Variants in CLCN6 observed in about 807,000 individuals in gnomAD.
The protein encoded by CLCN6 is Cl-/H+ antiporter 6, also known as H(+)/Cl(-) exchange transporter 6.
A neutral mutation model predicts 109.8 loss-of-function variants in CLCN6; 70 were observed. The ratio of observed to expected loss-of-function variants is 0.64; its 90% CI spans 0.53 to 0.78. CLCN6 has a LOEUF of 0.78. Ranked by LOEUF, CLCN6 falls within the 30% of genes least tolerant of loss-of-function variation. CLCN6 has a pLI of 0.00. For missense variants in CLCN6, 984 were observed against 1,142.3 expected (o/e 0.86, Z 2.00); for synonymous variants, 444 against 447.8 (o/e 0.99, Z 0.11).
rs556693384 is a variant in CLCN6, at chr1:11,838,576, G to T, written c.2445G>T (p.Ser815=). ...PYMNPSPFTV[S]PNTHVSQVFN... is the part of the protein sequence containing the mutation. ...TGAACCCTTCGCCTTTCACCGTCTC[G>T]CCCAACACCCACGTCTCCCAAGTCT... Residue 815 remains serine (S), a synonymous_variant, in exon 22 of 23, where the codon TCG becomes TCT. Transcript: ENST00000346436. 1 of 1,613,024 alleles carries T rather than the reference G, an allele frequency of 6.2e-7. No individual in the cohort carries two copies. The highest frequency in any genetic ancestry group is 8.5e-7 in the Non-Finnish European group (1 of 1,179,110).
At chr1:11,826,938 G>GTAT in intron 9 of CLCN6, 151 bp from the exon 10 acceptor site, 2 of 891,574 alleles carry the variant, frequency 2.2e-6, no homozygotes, top group South Asian at 1.8e-5. Flanking sequence ...CACACTCGCG[G>GTAT]CAAAGGCTGC....
At position 11,828,099 on chromosome 1, in the gene CLCN6, C is replaced by G; in HGVS notation, c.841-7C>G. 1 of 1,607,662 alleles carries G rather than the reference C, an allele frequency of 6.2e-7. No homozygotes were observed. The highest frequency in any genetic ancestry group is 8.5e-7 in the Non-Finnish European group (1 of 1,174,150). The stretch of plus-strand genomic sequence containing the variant: ...AACCTTCTTGTCTTTTGTCACCTCT[C>G]CCCTAGCTCTTTTGTTCCATGTCTG... On this transcript the variant is annotated splice_polypyrimidine_tract_variant and splice_region_variant and intron_variant, in intron 10 of 22. Transcript: ENST00000346436.
intron 2 of CLCN6, among the ~76,000 whole-genome samples, chr1:11,814,893 C>T (rs58497888): frequency 9.2e-5 from 14 of 151,936 alleles, no homozygotes; most frequent in South Asian, 2.1e-4. Flanking sequence ...ATTAGCCGGG[C>T]GTGTTGGCAG....
intron 5 of CLCN6, among the ~76,000 whole-genome samples, chr1:11,821,072 C>CT (rs1644734994): frequency 7.7e-6 from 1 of 129,626 alleles, no homozygotes; most frequent in Non-Finnish European, 1.7e-5. Flanking sequence ...GCAAAACTGT[C>CT]TCAAAAAACA....
At chr1:11,839,347 G>A (rs973791976) in intron 22 of CLCN6, among the ~76,000 whole-genome samples, 5 of 151,986 alleles carry the variant, frequency 3.3e-5, no homozygotes, top group Admixed American at 6.6e-5. Flanking sequence ...CTGCAGCCTC[G>A]ACCTTCCAGG....
Position 11,807,152 on chromosome 1 carries a change from G to C in CLCN6, c.109G>C (p.Glu37Gln), listed in dbSNP as rs1372498907. ...CTAGACCATCCTTGGAGAAACACAG[G>C]AGGAGGAGGATGAGATTCTTCCAAG... ...EELTILGETQ[E>Q]EEDEILPRKD... Residue 37 changes from glutamate (E) to glutamine (Q), a missense_variant, in exon 2 of 23, where the codon GAG becomes CAG. Coordinates refer to ENST00000346436, the MANE Select transcript of CLCN6 (RefSeq NM_001286.5). 4 of 1,613,504 alleles carry C rather than the reference G, an allele frequency of 2.5e-6. No homozygotes were observed. Among genetic ancestry groups the C allele is most frequent in the Non-Finnish European group, 3.4e-6 (4 of 1,179,526 alleles).
rs768244701 is a variant in CLCN6 at position 11,834,104 on chromosome 1, G to C, written c.1526+74G>C. On this transcript the variant is annotated intron_variant, in intron 15 of 22. Coordinates refer to ENST00000346436, the MANE Select transcript of CLCN6 (RefSeq NM_001286.5). The surrounding 1 kb of genome is among the most constrained non-coding windows in gnomAD (Gnocchi z 4.5). ...TGTGCGTGTGTATGCATGTGTGTGC[G>C]TGTGCGTGCGTTGATGTGTCTGTGC... 1 of 1,593,458 alleles carries C rather than the reference G, an allele frequency of 6.3e-7. No homozygotes were observed. Among genetic ancestry groups the C allele is most frequent in the East Asian group, 2.3e-5 (1 of 44,362 alleles).
chr1:11,833,720 G>T, intron 14 of CLCN6, 82 bp downstream of exon 14: 1 of 1,588,364 alleles, frequency 6.3e-7, no homozygotes, highest in South Asian at 1.1e-5. Context: ...TTCCAAGCAA[G>T]ACCAGGACTT....
intron 2 of CLCN6, among the ~76,000 whole-genome samples, chr1:11,810,964 C>T (rs1370588157): frequency 6.6e-6 from 1 of 152,198 alleles, no homozygotes; most frequent in Admixed American, 6.5e-5. Context: ...GTTACCCCCA[C>T]ACTTTAGGAG....
chr1:11,808,861 C>CT (rs1200623320), intron 2 of CLCN6, among the ~76,000 whole-genome samples: 2 of 150,634 alleles, frequency 1.3e-5, no homozygotes, highest in East Asian at 1.9e-4. Flanking sequence ...CTTTTTTTTT[C>CT]TTTTTTTTAA....
Position 11,842,953 on chromosome 1 carries a change from G to A in CLCN6, c.*2730G>A, listed in dbSNP as rs14078. ...AGCTCTGCGGACCTTGGCCATTGCC[G>A]CAGTCGCAGCTTCCTTTTTTCTGTT... On this transcript the variant is annotated 3_prime_UTR_variant, in exon 23 of 23. Transcript: ENST00000346436. 25,123 of 152,318 alleles carry A rather than the reference G, an allele frequency of 0.16. 2,540 individuals are homozygous for A. The highest frequency in any genetic ancestry group is 0.27 in the African/African-American group (11,381 of 41,548). 9.4% of individuals were successfully genotyped at this position (152,318 alleles called of 1,614,324 possible). A position where few individuals can be genotyped will look rare whatever the true frequency, so the allele number is the denominator to read the frequency against.
intron 20 of CLCN6, among the ~76,000 whole-genome samples, chr1:11,838,109 G>A (rs1317244202): frequency 6.6e-6 from 1 of 152,240 alleles, no homozygotes; most frequent in Non-Finnish European, 1.5e-5. Context: ...CAGGAAGAAA[G>A]GGAGTGCAGA....
At chr1:11,829,554 G>T (rs955568009) in intron 13 of CLCN6, among the ~76,000 whole-genome samples, 1 of 150,666 alleles carries the variant, frequency 6.6e-6, no homozygotes, top group East Asian at 2.0e-4. Context: ...TCACAGAGGG[G>T]AACCTGGGAA....
intron 1 of CLCN6, 110 bp from the exon 2 acceptor site, chr1:11,807,021 A>G (rs1222012603): frequency 5.1e-6 from 5 of 977,716 alleles, no homozygotes; most frequent in Non-Finnish European, 8.0e-6. Flanking sequence ...TTCCTATTTG[A>G]TAATGGCTCC....
At position 11,830,776 on chromosome 1, in the gene CLCN6, C is replaced by CTA. The variant is rs1553120511; in HGVS notation, c.1248+1461_1248+1462dup. ...ATATATATATATATACACACACACACTATATATACACACACACACACACAC... is the reference window on the plus strand; with the variant it reads ...ATATATATATATATACACACACACACTATATATATACACACACACACACACAC... On this transcript the variant is annotated intron_variant, in intron 13 of 22. Coordinates refer to ENST00000346436, the MANE Select transcript of CLCN6 (RefSeq NM_001286.5). Among the ~76,000 whole-genome samples the CTA allele has an allele frequency of 3.5e-3, 416 of 118,102 alleles. 8 individuals are homozygous for CTA. Among genetic ancestry groups the CTA allele is most frequent in the African/African-American group, 0.014 (364 of 25,944 alleles). 77.5% of individuals were successfully genotyped at this position (118,102 alleles called of 152,430 possible).
chr1:11,827,024 T>C, intron 9 of CLCN6, 65 bp from the exon 10 acceptor site: 1 of 1,587,698 alleles, frequency 6.3e-7, no homozygotes, highest in Admixed American at 1.8e-5. Flanking sequence ...GATAAGGAAG[T>C]CAGAAACCAC....
chr1:11,809,182 T>A (rs1312456722), intron 2 of CLCN6, among the ~76,000 whole-genome samples: 2 of 152,112 alleles, frequency 1.3e-5, no homozygotes, highest in African/African-American at 4.8e-5. Flanking sequence ...TCGTAAGTAT[T>A]TGTTTTCTTG....
intron 8 of CLCN6, 138 bp downstream of exon 8, chr1:11,824,691 CTA>C (rs1644789808): frequency 3.6e-6 from 2 of 549,128 alleles, no homozygotes; most frequent in Non-Finnish European, 6.1e-6. Flanking sequence ...AACCATGTGT[CTA>C]TCTCTCAGGA....
intron 18 of CLCN6, 48 bp from the exon 19 acceptor site, chr1:11,836,951 T>C (rs1345420009): frequency 6.3e-7 from 1 of 1,597,490 alleles, no homozygotes; most frequent in Admixed American, 1.7e-5. Flanking sequence ...TCAGTACTGC[T>C]GTGTTCGTTT....
Sources: allele counts gnomAD v4.1 joint callset (sites outside exome capture counted in the v4.1 genomes callset), GRCh38; gene constraint gnomAD v4.1.1; non-coding constraint Gnocchi (gnomAD v3.1); transcripts MANE v1.5; gene names NCBI Gene and HGNC (gene_info 2026-07-23, HGNC 2026-07-21).